SLCO5A1: variants seen among roughly 807,000 people sequenced by gnomAD.
SLCO5A1 encodes solute carrier organic anion transporter family member 5A1.
SLCO5A1 carries 39 observed loss-of-function variants against 65.1 expected under a neutral mutation model. The ratio of observed to expected loss-of-function variants is 0.60; its 90% CI spans 0.46 to 0.78. The LOEUF is 0.78. Ranked by LOEUF, SLCO5A1 falls within the 30% of genes least tolerant of loss-of-function variation. The probability of loss-of-function intolerance (pLI) is 0.00; values close to 1 mark genes in which losing one functional copy is unlikely to be tolerated. For missense variants in SLCO5A1, 1,029 were observed against 1,069.4 expected (o/e 0.96, Z 0.53); for synonymous variants, 438 against 415.7 (o/e 1.05, Z -0.65).
At chr8:69,794,377 T>C (rs1819397450) in intron 2 of SLCO5A1, 1 of 430,660 alleles carries the variant, frequency 2.3e-6, no homozygotes, top group Non-Finnish European at 4.5e-6. Flanking sequence ...CTATTTATCA[T>C]TGTAAAGATG....
chr8:69,672,996 T>C lies in SLCO5A1; in HGVS notation c.2420A>G (p.Glu807Gly), dbSNP rs1444778510. 7.4e-6 allele frequency: 12 copies of C among 1,614,116 alleles called. No homozygotes were observed. Among genetic ancestry groups the C allele is most frequent in the Non-Finnish European group, 1.0e-5 (12 of 1,180,048 alleles). ...CTGGATCCCTTTTTGCAGGCCAGTC[T>C]CTTCGTGGAATTCTCCCTGGGTGCT... ...AFSTQGEFHEETGLQKGIQCA... is the reference protein window; with the variant it reads ...AFSTQGEFHEGTGLQKGIQCA... The change falls in exon 10 of 10, where the codon GAG becomes GGG. Residue 807 changes from glutamate (E) to glycine (G), a missense_variant. Glu to Gly is a moderately conservative substitution (Grantham distance 98). Transcript: ENST00000260126.
chr8:69,782,957 G>A (rs1038427247), intron 2 of SLCO5A1, among the ~76,000 whole-genome samples: 2 of 149,428 alleles, frequency 1.3e-5, no homozygotes. Flanking sequence ...CTGGCTCTGT[G>A]ATCCTAGACA....
intron 5 of SLCO5A1, among the ~76,000 whole-genome samples, chr8:69,736,798 G>A (rs971605262): frequency 2.6e-5 from 4 of 152,232 alleles, no homozygotes; most frequent in African/African-American, 7.2e-5. Context: ...ACTTAGTTTG[G>A]GAAATGCTGG....
Position 69,702,185 on chromosome 8 carries a change from AT to A in SLCO5A1, c.1622+2845del, listed in dbSNP as rs1278032447. Among the ~76,000 whole-genome samples the A allele has an allele frequency of 2.1e-5, 3 of 144,176 alleles. No homozygotes were observed. The East Asian group carries it at 5.8e-4, about 28-fold the overall frequency. The allele number at this position is 144,176 out of a possible 152,430, so 94.6% of individuals were successfully genotyped here. ...ACATAATTTGATAGAAATAAAAATT[AT>A]TCTTAATTTATTAGTGATGACTAAT... On this transcript the variant is annotated intron_variant, in intron 6 of 9. Transcript: ENST00000260126.
chr8:69,810,250 C>A (rs1820158794), intron 2 of SLCO5A1, among the ~76,000 whole-genome samples: 1 of 152,146 alleles, frequency 6.6e-6, no homozygotes, highest in African/African-American at 2.4e-5. Context: ...GGAAATAGTG[C>A]ACTAGCATCT....
intron 5 of SLCO5A1, among the ~76,000 whole-genome samples, chr8:69,710,067 AGAGT>A (rs1815164089): frequency 7.1e-6 from 1 of 141,058 alleles, no homozygotes; most frequent in African/African-American, 2.7e-5. Flanking sequence ...CGCCCAGGCT[AGAGT>A]GCAGTGGTGT....
chr8:69,812,364 T>C (rs909146006), intron 2 of SLCO5A1, among the ~76,000 whole-genome samples: 1 of 152,210 alleles, frequency 6.6e-6, no homozygotes, highest in Non-Finnish European at 1.5e-5. Context: ...ACTGAGGTCC[T>C]GAAAGATTAC....
chr8:69,784,460 C>A (rs1459772379), intron 2 of SLCO5A1, among the ~76,000 whole-genome samples: 3 of 152,026 alleles, frequency 2.0e-5, no homozygotes, highest in Non-Finnish European at 4.4e-5. Flanking sequence ...AAAGTACAGC[C>A]ATGATGGAAA....
Position 69,785,479 on chromosome 8 carries a change from G to C in SLCO5A1, c.908-23604C>G, listed in dbSNP as rs371820151. ...TGGTCCCAATAACTATAGACTTCAG[G>C]AGACAGAAAAGGAAGAAGAGAATGA... On this transcript the variant is annotated intron_variant, in intron 2 of 9. Coordinates refer to ENST00000260126, the MANE Select transcript of SLCO5A1 (RefSeq NM_030958.3). Among the ~76,000 whole-genome samples, 12 of 152,220 alleles carry C rather than the reference G, an allele frequency of 7.9e-5. 2 individuals are homozygous for C. The East Asian group carries it at 9.6e-4, about 12-fold the overall frequency.
intron 8 of SLCO5A1, 38 bp downstream of exon 8, chr8:69,679,340 G>A (rs1262706926): frequency 1.2e-6 from 2 of 1,612,402 alleles, no homozygotes; most frequent in East Asian, 2.2e-5. Context: ...GAAATTATAA[G>A]TACAGAACCC....
chr8:69,830,756 C>T (rs1394976530), intron 2 of SLCO5A1, among the ~76,000 whole-genome samples: 1 of 152,186 alleles, frequency 6.6e-6, no homozygotes, highest in Non-Finnish European at 1.5e-5. Flanking sequence ...TTAACTCAAG[C>T]ACCCCTGTCC....
chr8:69,740,262 G>A (rs1475185837), intron 4 of SLCO5A1, among the ~76,000 whole-genome samples: 2 of 152,202 alleles, frequency 1.3e-5, no homozygotes, highest in African/African-American at 4.8e-5. Flanking sequence ...TGGGGTGGGA[G>A]AACAGTATAC....
At chr8:69,825,943 T>A (rs1345870497) in intron 2 of SLCO5A1, among the ~76,000 whole-genome samples, 1 of 152,126 alleles carries the variant, frequency 6.6e-6, no homozygotes, top group Non-Finnish European at 1.5e-5. Flanking sequence ...TATAGATCAA[T>A]GGAACAGAAC....
chr8:69,687,387 T>A (rs1814047860), intron 6 of SLCO5A1, among the ~76,000 whole-genome samples: 1 of 152,224 alleles, frequency 6.6e-6, no homozygotes, highest in African/African-American at 2.4e-5. Flanking sequence ...AAATTGTGAT[T>A]ACTGCGTCTA....
In SLCO5A1 at chr8:69,715,514, C is replaced by G. The variant is rs1815476817; in HGVS notation, c.1424-10285G>C. 2.6e-5 allele frequency among the ~76,000 whole-genome samples: 4 copies of G among 152,188 alleles called. No homozygotes were observed. The South Asian group carries it at 6.2e-4, about 24-fold the overall frequency. On this transcript the variant is annotated intron_variant, in intron 5 of 9. Transcript: ENST00000260126. Reference sequence around the variant, plus strand: ...AGTCCTCGGAGCTTTTCCATCGAGACAGTTCATCGTCATGACGCCCACTAA... The same window carrying G: ...AGTCCTCGGAGCTTTTCCATCGAGAGAGTTCATCGTCATGACGCCCACTAA...
intron 2 of SLCO5A1, among the ~76,000 whole-genome samples, chr8:69,807,237 A>G (rs1820031698): frequency 6.6e-6 from 1 of 152,210 alleles, no homozygotes; most frequent in African/African-American, 2.4e-5. Context: ...TGACATAATA[A>G]TTGTATACAT....
At chr8:69,722,520 A>G (rs1182093527) in intron 5 of SLCO5A1, among the ~76,000 whole-genome samples, 1 of 152,196 alleles carries the variant, frequency 6.6e-6, no homozygotes, top group Non-Finnish European at 1.5e-5. Context: ...TAAGGAAACT[A>G]AGATACATGA....
chr8:69,805,276 G>A (rs933525323), intron 2 of SLCO5A1, among the ~76,000 whole-genome samples: 4 of 152,010 alleles, frequency 2.6e-5, no homozygotes, highest in Admixed American at 2.0e-4. Context: ...ACTCTCACAG[G>A]GAAATCCCAA....
chr8:69,684,239 C>T (rs1202501378), intron 6 of SLCO5A1, among the ~76,000 whole-genome samples: 1 of 152,136 alleles, frequency 6.6e-6, no homozygotes, highest in Non-Finnish European at 1.5e-5. Context: ...TTTTGCCCCC[C>T]CAGGGGACCT....
Sources: allele counts gnomAD v4.1 joint callset (sites outside exome capture counted in the v4.1 genomes callset), GRCh38; gene constraint gnomAD v4.1.1; transcripts MANE v1.5; gene names NCBI Gene and HGNC (gene_info 2026-07-23, HGNC 2026-07-21).